LRP1B: variants seen among roughly 807,000 people sequenced by gnomAD.
LRP1B encodes low-density lipoprotein receptor-related protein 1B.
In LRP1B, 217 loss-of-function variants were observed where a neutral mutation model predicts 556.6. The observed-to-expected ratio is 0.39, with a 90% CI of 0.35 to 0.44. The LOEUF is 0.44. Ranked by LOEUF, LRP1B falls within the 20% of genes least tolerant of loss-of-function variation. LRP1B has a pLI of 1.00. For synonymous variants in LRP1B, 2,047 were observed against 1,865.8 expected, an observed-to-expected ratio of 1.10 and a Z score of -2.50; for missense variants, 5,053 against 5,620.8, an observed-to-expected ratio of 0.90 and a Z score of 3.23.
At chr2:141,873,489 G>A (rs1044449601) in intron 1 of LRP1B, among the ~76,000 whole-genome samples, 1 of 151,828 alleles carries the variant, frequency 6.6e-6, no homozygotes, top group East Asian at 1.9e-4. Context: ...AATGAGATGG[G>A]GAAAGTAACG....
chr2:141,047,570 T>A (rs1470429278), intron 11 of LRP1B, among the ~76,000 whole-genome samples: 1 of 152,106 alleles, frequency 6.6e-6, no homozygotes, highest in Non-Finnish European at 1.5e-5. Flanking sequence ...ACGTGATCGA[T>A]CCTCCTAAAA....
intron 2 of LRP1B, among the ~76,000 whole-genome samples, chr2:141,724,224 AAAAC>A (rs2105505023): frequency 6.6e-6 from 1 of 152,048 alleles, no homozygotes; most frequent in African/African-American, 2.4e-5. Context: ...ATACAAGCAG[AAAAC>A]AAACTACATA....
intron 31 of LRP1B, among the ~76,000 whole-genome samples, chr2:140,821,419 C>G (rs1475637260): frequency 6.6e-6 from 1 of 152,084 alleles, no homozygotes; most frequent in East Asian, 1.9e-4. Context: ...TTGAGATGTG[C>G]AGTCTTAAAT....
chr2:141,331,522 CTCTTTCTTTCTTTCTTTCT>C (rs1687653766), intron 3 of LRP1B, among the ~76,000 whole-genome samples: 1 of 140,718 alleles, frequency 7.1e-6, no homozygotes, highest in African/African-American at 2.9e-5. Flanking sequence ...TTCTTTCTTT[CTCTTTCTTTCTTTCTTTCT>C]TTCTTTCTTT....
intron 3 of LRP1B, among the ~76,000 whole-genome samples, chr2:141,429,473 C>T (rs1267693769): frequency 7.9e-5 from 12 of 151,992 alleles, no homozygotes; most frequent in Non-Finnish European, 1.0e-4. Context: ...TTAAGGAAAA[C>T]TGTTTTTATT....
chr2:142,058,308 C>T lies in LRP1B; in HGVS notation c.82+72340G>A, dbSNP rs114399602. 8.3e-3 allele frequency among the ~76,000 whole-genome samples: 1,266 copies of T among 152,238 alleles called. 14 individuals carry two copies. Among genetic ancestry groups the T allele is most frequent in the South Asian group, 0.015 (72 of 4,824 alleles). On this transcript the variant is annotated intron_variant, in intron 1 of 90. Coordinates refer to ENST00000389484, the MANE Select transcript of LRP1B (RefSeq NM_018557.3). ...CATGATATAACTTCCTCTTTGGGTT[C>T]TGAGTCTCACTGCCTCTACACTAAT... is the stretch of plus-strand genomic sequence containing the variant.
At chr2:140,366,928 G>A (rs184681511) in intron 71 of LRP1B, among the ~76,000 whole-genome samples, 1 of 151,790 alleles carries the variant, frequency 6.6e-6, no homozygotes. Flanking sequence ...TGAGGGTACA[G>A]GAGAGCAAAA....
At chr2:141,626,531 G>A (rs778847579) in intron 2 of LRP1B, among the ~76,000 whole-genome samples, 10 of 152,056 alleles carry the variant, frequency 6.6e-5, no homozygotes, top group Non-Finnish European at 1.0e-4. Flanking sequence ...GCCATCGACC[G>A]GGAGAAAACA....
intron 2 of LRP1B, among the ~76,000 whole-genome samples, chr2:141,732,485 C>T (rs1693311221): frequency 6.6e-6 from 1 of 152,084 alleles, no homozygotes. Context: ...GTTTCACCAA[C>T]CCTTCGTCTT....
chr2:140,513,236 A>G (rs1689740987), intron 51 of LRP1B, among the ~76,000 whole-genome samples: 1 of 152,104 alleles, frequency 6.6e-6, no homozygotes, highest in African/African-American at 2.4e-5. Flanking sequence ...GTCTATGATC[A>G]CACAGCTTGA....
intron 41 of LRP1B, among the ~76,000 whole-genome samples, chr2:140,605,788 T>C (rs1413621092): frequency 6.6e-6 from 1 of 152,028 alleles, no homozygotes; most frequent in Non-Finnish European, 1.5e-5. Flanking sequence ...ATGACGGGCT[T>C]ATTTGACAAA....
At chr2:140,422,252 C>A (rs1685477151) in intron 66 of LRP1B, among the ~76,000 whole-genome samples, 1 of 152,036 alleles carries the variant, frequency 6.6e-6, no homozygotes, top group South Asian at 2.1e-4. Context: ...ATATACGACA[C>A]CGAAAATCTG....
intron 3 of LRP1B, among the ~76,000 whole-genome samples, chr2:141,448,254 A>T (rs1681273777): frequency 6.6e-6 from 1 of 152,092 alleles, no homozygotes; most frequent in Non-Finnish European, 1.5e-5. Context: ...GTAATGTTGG[A>T]TGCCCCTCCC....
At chr2:140,876,577 T>C (rs972418964) in intron 25 of LRP1B, among the ~76,000 whole-genome samples, 1 of 152,122 alleles carries the variant, frequency 6.6e-6, no homozygotes. Context: ...GTCTATACCA[T>C]CCCTGTACAG....
At chr2:141,752,296 T>C (rs1201235182) in intron 2 of LRP1B, among the ~76,000 whole-genome samples, 2 of 152,164 alleles carry the variant, frequency 1.3e-5, no homozygotes, top group African/African-American at 4.8e-5. Flanking sequence ...AAAGGTGCTA[T>C]TTACATAAAT....
chr2:140,827,044 G>T (rs934056065), intron 31 of LRP1B, among the ~76,000 whole-genome samples: 2 of 152,080 alleles, frequency 1.3e-5, no homozygotes, highest in African/African-American at 4.8e-5. Flanking sequence ...ACCTGTGAGA[G>T]CCAAGGTAAA....
intron 8 of LRP1B, among the ~76,000 whole-genome samples, chr2:141,059,375 C>T (rs918158322): frequency 6.6e-6 from 1 of 151,614 alleles, no homozygotes; most frequent in Non-Finnish European, 1.5e-5. Context: ...AATAATATGC[C>T]TGTGACACTG....
At chr2:140,805,504 A>C (rs1350667882) in intron 32 of LRP1B, among the ~76,000 whole-genome samples, 1 of 151,930 alleles carries the variant, frequency 6.6e-6, no homozygotes, top group African/African-American at 2.4e-5. Context: ...TATGTTGTAA[A>C]CTCCCACCAA....
At chr2:140,447,229 G>C (rs748165604) in intron 63 of LRP1B, among the ~76,000 whole-genome samples, 5 of 152,058 alleles carry the variant, frequency 3.3e-5, no homozygotes, top group Non-Finnish European at 7.4e-5. Context: ...AATTAGTACA[G>C]CTATTTTGGG....
Sources: allele counts gnomAD v4.1 joint callset (sites outside exome capture counted in the v4.1 genomes callset), GRCh38; gene constraint gnomAD v4.1.1; transcripts MANE v1.5; gene names NCBI Gene and HGNC (gene_info 2026-07-23, HGNC 2026-07-21).